SCHIP1: variants seen among roughly 807,000 people sequenced by gnomAD.
SCHIP1 encodes the protein schwannomin-interacting protein 1.
In SCHIP1, 8 loss-of-function variants were observed where a neutral mutation model predicts 29.7. That is an observed-to-expected ratio of 0.27 (90% CI 0.16 to 0.49). The LOEUF is 0.49. Among genes scored for constraint, SCHIP1 ranks in the 20% least tolerant of loss-of-function variants. The pLI is 0.99. For missense variants in SCHIP1, 193 were observed against 294.6 expected (o/e 0.66, Z 2.52); for synonymous variants, 76 against 94.9 (o/e 0.80, Z 1.16).
chr3:159,302,607 G>A, the SCHIP1 span, among the ~76,000 whole-genome samples: 4 of 152,246 alleles, frequency 2.6e-5, no homozygotes, highest in East Asian at 5.8e-4. Flanking sequence ...CACTATTTTC[G>A]AAATTATCCC....
chr3:159,862,047 G>A (rs1714118253), intron 1 of SCHIP1, among the ~76,000 whole-genome samples: 1 of 152,194 alleles, frequency 6.6e-6, no homozygotes, highest in African/African-American at 2.4e-5. Context: ...TTCAGATTGA[G>A]TAGTAATGGT....
At chr3:159,558,595 G>A in the SCHIP1 span, among the ~76,000 whole-genome samples, 2 of 152,184 alleles carry the variant, frequency 1.3e-5, no homozygotes, top group Admixed American at 1.3e-4. Context: ...AAAGTGCCAA[G>A]AAGGGGAGTT....
the SCHIP1 span, among the ~76,000 whole-genome samples, chr3:159,671,386 T>C: frequency 6.6e-6 from 1 of 152,164 alleles, no homozygotes; most frequent in Admixed American, 6.5e-5. Flanking sequence ...TTCTTCTTTC[T>C]GGTCACCTTT....
the SCHIP1 span, among the ~76,000 whole-genome samples, chr3:159,540,047 C>T: frequency 1.3e-5 from 2 of 151,924 alleles, no homozygotes; most frequent in Non-Finnish European, 2.9e-5. Flanking sequence ...CTTGTCCCTG[C>T]TTTTCCTTTT....
chr3:159,436,118 C>T, the SCHIP1 span, among the ~76,000 whole-genome samples: 1 of 152,102 alleles, frequency 6.6e-6, no homozygotes, highest in South Asian at 2.1e-4. Context: ...CCCAAAGTAA[C>T]CCCACAATAT....
chr3:159,657,732 A>G, the SCHIP1 span, among the ~76,000 whole-genome samples: 475 of 152,346 alleles, frequency 3.1e-3, 3 homozygotes, highest in African/African-American at 0.011. Flanking sequence ...TTTTAAATTA[A>G]TAAGTGCCAT....
chr3:159,549,904 T>G, the SCHIP1 span, among the ~76,000 whole-genome samples: 1 of 152,146 alleles, frequency 6.6e-6, no homozygotes, highest in Admixed American at 6.6e-5. Flanking sequence ...TTTATACTTA[T>G]TATCTGGGGA....
chr3:159,332,757 A>T, the SCHIP1 span, among the ~76,000 whole-genome samples: 1 of 152,196 alleles, frequency 6.6e-6, no homozygotes, highest in African/African-American at 2.4e-5. Context: ...AAGGATATAT[A>T]TGAGGGCCTT....
the SCHIP1 span, among the ~76,000 whole-genome samples, chr3:159,355,773 T>C: frequency 1.3e-5 from 2 of 152,186 alleles, no homozygotes; most frequent in South Asian, 4.2e-4. Context: ...GAGGCTAAAT[T>C]TGACCTGGAC....
At chr3:159,409,484 C>T in the SCHIP1 span, among the ~76,000 whole-genome samples, 1 of 151,964 alleles carries the variant, frequency 6.6e-6, no homozygotes, top group Admixed American at 6.6e-5. Context: ...TTTCTATATG[C>T]CAACAGTGAC....
At chr3:159,631,224 C>G in the SCHIP1 span, among the ~76,000 whole-genome samples, 32 of 149,486 alleles carry the variant, frequency 2.1e-4, no homozygotes, top group South Asian at 1.7e-3. Context: ...TATCAAAACC[C>G]TCATGCATTG....
At chr3:159,321,356 A>C in the SCHIP1 span, among the ~76,000 whole-genome samples, 1 of 152,176 alleles carries the variant, frequency 6.6e-6, no homozygotes. Flanking sequence ...GCAATGACAA[A>C]ATCTCTGCAT....
the SCHIP1 span, among the ~76,000 whole-genome samples, chr3:159,430,448 A>C: frequency 6.6e-6 from 1 of 152,142 alleles, no homozygotes; most frequent in African/African-American, 2.4e-5. Flanking sequence ...ATTCTTCCTG[A>C]GGCTACGTTC....
At chr3:159,819,015 G>C in the SCHIP1 span, among the ~76,000 whole-genome samples, 1 of 152,218 alleles carries the variant, frequency 6.6e-6, no homozygotes, top group African/African-American at 2.4e-5. Context: ...TTGTGGCACA[G>C]AATTTCTCAT....
chr3:159,344,130 C>T, the SCHIP1 span, among the ~76,000 whole-genome samples: 2 of 151,828 alleles, frequency 1.3e-5, no homozygotes, highest in Admixed American at 6.6e-5. Flanking sequence ...GTCAGGAGTT[C>T]GAGACCAGCC....
chr3:159,443,382 A>AT, the SCHIP1 span, among the ~76,000 whole-genome samples: 2 of 152,132 alleles, frequency 1.3e-5, no homozygotes, highest in Non-Finnish European at 1.5e-5. Flanking sequence ...TAATAGGAGT[A>AT]TTTTTTTCAA....
chr3:159,541,005 C>T, the SCHIP1 span, among the ~76,000 whole-genome samples: 3 of 152,182 alleles, frequency 2.0e-5, no homozygotes, highest in South Asian at 2.1e-4. Flanking sequence ...GACTCTGACA[C>T]ATTGCTTTGA....
intron 2 of SCHIP1, among the ~76,000 whole-genome samples, chr3:159,872,555 A>G (rs533894522): frequency 3.3e-5 from 5 of 152,292 alleles, no homozygotes; most frequent in African/African-American, 1.2e-4. Flanking sequence ...GTAGCTCATA[A>G]CAAGCTACAC....
At chr3:159,866,705 T>C (rs899751377) in intron 2 of SCHIP1, among the ~76,000 whole-genome samples, 3 of 152,182 alleles carry the variant, frequency 2.0e-5, no homozygotes, top group Non-Finnish European at 4.4e-5. Flanking sequence ...AACTGAGAAA[T>C]ACAATTCCCG....
Sources: allele counts gnomAD v4.1 joint callset (sites outside exome capture counted in the v4.1 genomes callset), GRCh38; gene constraint gnomAD v4.1.1; transcripts MANE v1.5; gene names NCBI Gene and HGNC (gene_info 2026-07-23, HGNC 2026-07-21).